The following IFT88 variants were observed in gnomAD, a reference collection of about 807,000 sequenced individuals.
IFT88 encodes intraflagellar transport protein 88 homolog.
IFT88 carries 74 observed loss-of-function variants against 119.5 expected under a neutral mutation model. That is an observed-to-expected ratio of 0.62 (90% CI 0.51 to 0.75). The LOEUF is 0.75. Among genes scored for constraint, IFT88 ranks in the 30% least tolerant of loss-of-function variants. The pLI, the probability that IFT88 is intolerant of heterozygous loss-of-function variation, is 0.00. For missense variants in IFT88, 961 were observed against 977.7 expected (o/e 0.98, Z 0.23); for synonymous variants, 279 against 316.7 (o/e 0.88, Z 1.26).
chr13:20,620,627 G>A (rs1042755314), intron 14 of IFT88, among the ~76,000 whole-genome samples: 2 of 152,086 alleles, frequency 1.3e-5, no homozygotes, highest in Non-Finnish European at 2.9e-5. Context: ...GTGCAGTGGC[G>A]CGATCTCGGC....
At chr13:20,578,093 G>A (rs2037799177) in intron 2 of IFT88, among the ~76,000 whole-genome samples, 1 of 137,066 alleles carries the variant, frequency 7.3e-6, no homozygotes, top group South Asian at 2.3e-4. Context: ...AGCCCAGGCT[G>A]GAGTGCAGTG....
intron 4 of IFT88, among the ~76,000 whole-genome samples, chr13:20,590,360 A>G (rs1185200401): frequency 6.6e-6 from 1 of 152,124 alleles, no homozygotes; most frequent in Non-Finnish European, 1.5e-5. Context: ...ATTACCTGTA[A>G]TTTGGATGTT....
At chr13:20,639,714 G>A (rs1278010822) in intron 17 of IFT88, among the ~76,000 whole-genome samples, 1 of 149,756 alleles carries the variant, frequency 6.7e-6, no homozygotes, top group Non-Finnish European at 1.5e-5. Context: ...TTTCCCAATT[G>A]CTTCTATTTT....
At chr13:20,607,449 C>T in intron 13 of IFT88, 1 of 665,246 alleles carries the variant, frequency 1.5e-6, no homozygotes, top group Admixed American at 2.0e-5. Flanking sequence ...GTGTACTTGT[C>T]ACTCATCCCC....
chr13:20,627,994 G>T (rs1438417421), intron 15 of IFT88, among the ~76,000 whole-genome samples: 4 of 151,676 alleles, frequency 2.6e-5, no homozygotes, highest in Admixed American at 1.3e-4. Flanking sequence ...CTTTCACTCT[G>T]TCTTTCTTTT....
chr13:20,620,978 G>T (rs987590863), intron 14 of IFT88, among the ~76,000 whole-genome samples: 1 of 152,176 alleles, frequency 6.6e-6, no homozygotes, highest in Non-Finnish European at 1.5e-5. Flanking sequence ...GCCTGCTGGC[G>T]CCTTGTTCTT....
In IFT88 at chr13:20,598,697, C is replaced by T. The variant is rs766755396; in HGVS notation, c.641C>T (p.Ala214Val). ...CAGTATTCAGTTAATGAAATGTATGCCGAAGCACTTAACACTTATCAAGTT... is the reference window on the plus strand; with the variant it reads ...CAGTATTCAGTTAATGAAATGTATGTCGAAGCACTTAACACTTATCAAGTT... ...ASQYSVNEMY[A>V]EALNTYQVIV... is the part of the protein sequence containing the mutation. The change falls in exon 10 of 26, where the codon GCC (alanine) becomes GTC (valine). Residue 214 changes from alanine (A) to valine (V), a missense_variant. By Grantham distance (64) the Ala-to-Val change is moderately conservative (BLOSUM62 0). Coordinates refer to ENST00000351808, the MANE Select transcript of IFT88 (RefSeq NM_006531.5). The T allele has an allele frequency of 1.9e-6, 3 of 1,610,606 alleles. No individual in the cohort carries two copies. The highest frequency in any genetic ancestry group is 2.5e-6 in the Non-Finnish European group (3 of 1,177,846).
chr13:20,627,146 A>G (rs2047472528), intron 15 of IFT88, among the ~76,000 whole-genome samples: 1 of 152,202 alleles, frequency 6.6e-6, no homozygotes, highest in African/African-American at 2.4e-5. Context: ...ACTATGCTTA[A>G]TTTTTTGAGC....
intron 13 of IFT88, among the ~76,000 whole-genome samples, chr13:20,606,484 G>A (rs2043483380): frequency 2.6e-5 from 4 of 152,170 alleles, no homozygotes; most frequent in Admixed American, 1.3e-4. Context: ...GTGGCAAGGT[G>A]GAGTGTCTCC....
At chr13:20,582,835 G>C in intron 2 of IFT88, 122 bp from the exon 3 acceptor site, 2 of 680,384 alleles carry the variant, frequency 2.9e-6, no homozygotes, top group Admixed American at 5.1e-5. Flanking sequence ...AGGAGTCCTA[G>C]ATGTCAACAG....
At chr13:20,577,757 A>G (rs1185578535) in intron 2 of IFT88, among the ~76,000 whole-genome samples, 2 of 152,066 alleles carry the variant, frequency 1.3e-5, no homozygotes, top group African/African-American at 4.8e-5. Context: ...TTGGTTTGCT[A>G]GTGTTTTATT....
chr13:20,672,249 T>G lies in IFT88; in HGVS notation c.2242+1210T>G, dbSNP rs570429750. Among the ~76,000 whole-genome samples the G allele has an allele frequency of 3.9e-5, 6 of 152,290 alleles. No individual in the cohort carries two copies. In the East Asian group the frequency reaches 1.2e-3, roughly 29 times the overall value. ...TAGGCAGTTACAGCCATCAGTGGCA[T>G]CGGGTTCTAGCCAGGCCACTTGATT... On this transcript the variant is annotated intron_variant, in intron 24 of 25. Transcript: ENST00000351808.
Position 20,590,882 on chromosome 13 carries a change from A to G in IFT88, c.211-85A>G. 6 of 905,200 alleles carry G rather than the reference A, an allele frequency of 6.6e-6. No homozygotes were observed. In the South Asian group the frequency reaches 8.7e-5, roughly 13 times the overall value. 56.1% of individuals were successfully genotyped at this position (905,200 alleles called of 1,614,324 possible). A position where few individuals can be genotyped will look rare whatever the true frequency, so the allele number is the denominator to read the frequency against. ...TTATGTTTGTTTATTTGCCGATAGA[A>G]TGAAGAAAACTTCTATAACTTGGTT... On this transcript the variant is annotated intron_variant, in intron 4 of 25. Coordinates refer to ENST00000351808, the MANE Select transcript of IFT88 (RefSeq NM_006531.5).
At chr13:20,596,958 A>G (rs1386128032) in intron 8 of IFT88, 57 bp from the exon 9 acceptor site, 2 of 904,540 alleles carry the variant, frequency 2.2e-6, no homozygotes, top group Non-Finnish European at 3.4e-6. Flanking sequence ...TATTTCTCAA[A>G]TGCATAAAAG....
chr13:20,626,258 C>T (rs1286412435), intron 15 of IFT88, among the ~76,000 whole-genome samples: 2 of 151,824 alleles, frequency 1.3e-5, no homozygotes, highest in African/African-American at 4.8e-5. Flanking sequence ...GATGGGGTTT[C>T]ACCGTGTTAG....
At chr13:20,664,073 T>C (rs1309379977) in intron 23 of IFT88, among the ~76,000 whole-genome samples, 1 of 152,130 alleles carries the variant, frequency 6.6e-6, no homozygotes, top group Non-Finnish European at 1.5e-5. Flanking sequence ...AAATACCAAC[T>C]CAGGATATAG....
chr13:20,597,911 A>G lies in IFT88; in HGVS notation c.595-740A>G, dbSNP rs1594012772. Among the ~76,000 whole-genome samples, 3 of 152,060 alleles carry G rather than the reference A, an allele frequency of 2.0e-5. No individual in the cohort carries two copies. The South Asian group carries it at 6.2e-4, about 32-fold the overall frequency. On this transcript the variant is annotated intron_variant, in intron 9 of 25. Coordinates refer to ENST00000351808, the MANE Select transcript of IFT88 (RefSeq NM_006531.5). ...TAGACTTTTCGGTCAGTGATTTTCAAGAACTTTAGGCATATAAAATAATGT... is the reference window on the plus strand; with the variant it reads ...TAGACTTTTCGGTCAGTGATTTTCAGGAACTTTAGGCATATAAAATAATGT...
intron 24 of IFT88, among the ~76,000 whole-genome samples, chr13:20,683,774 C>T (rs1260903604): frequency 6.6e-6 from 1 of 152,134 alleles, no homozygotes; most frequent in Non-Finnish European, 1.5e-5. Context: ...TTTGTGCTTC[C>T]AAATCCTCCT....
rs542282565 is a variant in IFT88 at position 20,670,419 on chromosome 13, C to A, written c.2176-554C>A. The stretch of plus-strand genomic sequence containing the variant: ...GGAGATACTTCTTAGGCTTTGAAGG[C>A]GAGTCTGTATCTAAGAAAGTAGACT... On this transcript the variant is annotated intron_variant, in intron 23 of 25. Coordinates refer to ENST00000351808, the MANE Select transcript of IFT88 (RefSeq NM_006531.5). Among the ~76,000 whole-genome samples the A allele has an allele frequency of 4.6e-5, 7 of 151,412 alleles. No homozygotes were observed. The South Asian group carries it at 1.5e-3, about 32-fold the overall frequency.
Sources: gnomAD v4.1 joint callset for allele counts (sites outside exome capture counted in the v4.1 genomes callset) on GRCh38, gnomAD v4.1.1 for gene constraint, MANE v1.5 for transcripts, NCBI Gene and HGNC (gene_info 2026-07-23, HGNC 2026-07-21) for gene names.